Variants in ADAM22 observed in about 807,000 individuals in gnomAD.
The protein encoded by ADAM22 is ADAM metallopeptidase domain 22.
A neutral mutation model predicts 144.6 loss-of-function variants in ADAM22; 65 were observed. The ratio of observed to expected loss-of-function variants is 0.45; its 90% CI spans 0.37 to 0.55. ADAM22 has a LOEUF of 0.55. Among genes scored for constraint, ADAM22 ranks in the 20% least tolerant of loss-of-function variants. The pLI, the probability that ADAM22 is intolerant of heterozygous loss-of-function variation, is 0.00. For synonymous variants in ADAM22, 391 were observed against 412.6 expected, an observed-to-expected ratio of 0.95 and a Z score of 0.63; for missense variants, 974 against 1,184.9, an observed-to-expected ratio of 0.82 and a Z score of 2.61.
chr7:87,974,772 A>G (rs1041706683), intron 2 of ADAM22, among the ~76,000 whole-genome samples: 1 of 152,206 alleles, frequency 6.6e-6, no homozygotes. Context: ...TTACAAGGAT[A>G]AGATGAAGTA....
intron 3 of ADAM22, among the ~76,000 whole-genome samples, chr7:88,014,874 G>A (rs985115012): frequency 1.3e-5 from 2 of 152,124 alleles, no homozygotes; most frequent in Admixed American, 6.5e-5. Context: ...GATAACTTTC[G>A]AAGAAATGAT....
At chr7:88,114,547 C>G in intron 5 of ADAM22, 37 bp from the exon 6 acceptor site, 3 of 1,594,624 alleles carry the variant, frequency 1.9e-6, no homozygotes, top group Non-Finnish European at 2.6e-6. Flanking sequence ...GGATGAGAGT[C>G]GATGGCCATG....
At chr7:88,120,390 C>G (rs527700558) in intron 7 of ADAM22, among the ~76,000 whole-genome samples, 1 of 151,904 alleles carries the variant, frequency 6.6e-6, no homozygotes, top group Non-Finnish European at 1.5e-5. Context: ...AAGTGAGAAC[C>G]ACTGTTTTAT....
intron 3 of ADAM22, among the ~76,000 whole-genome samples, chr7:87,983,459 A>G (rs1854214427): frequency 2.6e-5 from 4 of 152,078 alleles, no homozygotes; most frequent in Middle Eastern, 6.8e-3. Context: ...ATCATATTTT[A>G]TAATTATTTA....
intron 22 of ADAM22, among the ~76,000 whole-genome samples, chr7:88,157,503 G>A (rs1840301965): frequency 6.6e-6 from 1 of 152,122 alleles, no homozygotes; most frequent in Non-Finnish European, 1.5e-5. Context: ...ATAAAGACAT[G>A]TTTAGTTATG....
At chr7:88,040,598 T>G (rs930374876) in intron 3 of ADAM22, among the ~76,000 whole-genome samples, 1 of 150,622 alleles carries the variant, frequency 6.6e-6, no homozygotes, top group Non-Finnish European at 1.5e-5. Context: ...TTATTTAGTT[T>G]TTTTTTTGTT....
intron 7 of ADAM22, among the ~76,000 whole-genome samples, chr7:88,123,945 T>A (rs1032451929): frequency 1.3e-5 from 2 of 151,838 alleles, no homozygotes; most frequent in Admixed American, 6.6e-5. Flanking sequence ...ATAGATTTTT[T>A]AATTTAATAG....
intron 2 of ADAM22, among the ~76,000 whole-genome samples, chr7:87,946,390 T>G (rs780528626): frequency 2.1e-4 from 32 of 152,234 alleles, no homozygotes; most frequent in Non-Finnish European, 4.3e-4. Flanking sequence ...TATGTCCTAC[T>G]TGACAATTTT....
intron 3 of ADAM22, among the ~76,000 whole-genome samples, chr7:87,980,108 T>C (rs1292030284): frequency 6.6e-6 from 1 of 152,172 alleles, no homozygotes; most frequent in Non-Finnish European, 1.5e-5. Context: ...GTCATACTTA[T>C]CAAAGCGTGA....
intron 3 of ADAM22, among the ~76,000 whole-genome samples, chr7:88,049,354 T>C (rs1487678703): frequency 6.6e-6 from 1 of 152,164 alleles, no homozygotes; most frequent in African/African-American, 2.4e-5. Flanking sequence ...CCCTGTACAC[T>C]GTTTCTTTTT....
At chr7:88,033,274 A>T (rs954483208) in intron 3 of ADAM22, among the ~76,000 whole-genome samples, 1 of 152,218 alleles carries the variant, frequency 6.6e-6, no homozygotes, top group Non-Finnish European at 1.5e-5. Flanking sequence ...AAGCCCAGTA[A>T]TGCTATGGCT....
chr7:88,112,826 G>C (rs1315244131), intron 5 of ADAM22, among the ~76,000 whole-genome samples: 2 of 152,192 alleles, frequency 1.3e-5, no homozygotes, highest in African/African-American at 4.8e-5. Flanking sequence ...TCCCACCTCA[G>C]CCTCCCAAGT....
At chr7:88,175,341 T>G (rs1361432211) in intron 26 of ADAM22, among the ~76,000 whole-genome samples, 1 of 152,164 alleles carries the variant, frequency 6.6e-6, no homozygotes, top group East Asian at 1.9e-4. Context: ...GAGAAATAAT[T>G]GTATAAATTA....
intron 2 of ADAM22, among the ~76,000 whole-genome samples, chr7:87,948,373 T>G (rs954939563): frequency 1.3e-5 from 2 of 152,078 alleles, no homozygotes; most frequent in Admixed American, 1.3e-4. Context: ...TTTTGTGAGG[T>G]TTTTCTTTTT....
intron 5 of ADAM22, among the ~76,000 whole-genome samples, chr7:88,110,639 T>G (rs56838313): frequency 0.092 from 13,838 of 150,876 alleles, 1,394 homozygotes; most frequent in African/African-American, 0.26. Flanking sequence ...CCCACTTTTC[T>G]TTTTTCTTTT....
chr7:87,975,871 G>A (rs915142714), intron 2 of ADAM22, among the ~76,000 whole-genome samples: 48 of 152,142 alleles, frequency 3.2e-4, no homozygotes, highest in Admixed American at 2.2e-3. Flanking sequence ...CATTTTAACT[G>A]AAACATCATT....
At chr7:87,935,585 A>C (rs1223998216) in intron 2 of ADAM22, among the ~76,000 whole-genome samples, 1 of 152,230 alleles carries the variant, frequency 6.6e-6, no homozygotes, top group Non-Finnish European at 1.5e-5. Flanking sequence ...ATTTAACCCA[A>C]GGTTGACACT....
intron 4 of ADAM22, among the ~76,000 whole-genome samples, chr7:88,095,912 C>G (rs71570600): frequency 1.3e-5 from 2 of 150,740 alleles, no homozygotes; most frequent in African/African-American, 2.4e-5. Context: ...TGTAAATACT[C>G]TCTCCCCACC....
intron 22 of ADAM22, among the ~76,000 whole-genome samples, chr7:88,162,715 A>G (rs1842020790): frequency 6.6e-6 from 1 of 152,140 alleles, no homozygotes; most frequent in African/African-American, 2.4e-5. Flanking sequence ...ACATACTAGT[A>G]ATAATGCCTT....
Sources: allele counts gnomAD v4.1 joint callset (sites outside exome capture counted in the v4.1 genomes callset), GRCh38; gene constraint gnomAD v4.1.1; transcripts MANE v1.5; gene names NCBI Gene and HGNC (gene_info 2026-07-23, HGNC 2026-07-21).